Variants in RANBP2 observed in about 807,000 individuals in gnomAD.
RANBP2 encodes RAN binding protein 2.
In RANBP2, 57 loss-of-function variants were observed where a neutral mutation model predicts 303.6. That is an observed-to-expected ratio of 0.19 (90% CI 0.15 to 0.23). The LOEUF is 0.23. Ranked by LOEUF, RANBP2 falls within the 10% of genes least tolerant of loss-of-function variation. The pLI, the probability that RANBP2 is intolerant of heterozygous loss-of-function variation, is 1.00. For synonymous variants in RANBP2, 1,167 were observed against 1,301.5 expected (o/e 0.90, Z 2.23); for missense variants, 3,138 against 3,780.8 (o/e 0.83, Z 4.46).
chr2:109,009,702 C>CTTTTTT, the RANBP2 span, among the ~76,000 whole-genome samples: 7 of 123,124 alleles, frequency 5.7e-5, 1 homozygote, highest in East Asian at 2.5e-4. Context: ...ACATTTTTAC[C>CTTTTTT]TTTTTTTTGT....
chr2:109,446,374 T>C, the RANBP2 span, among the ~76,000 whole-genome samples: 1 of 152,130 alleles, frequency 6.6e-6, no homozygotes, highest in Non-Finnish European at 1.5e-5. Context: ...AGCAGCCATG[T>C]CCCCACCTCA....
chr2:109,285,968 G>A, the RANBP2 span, among the ~76,000 whole-genome samples: 1 of 152,160 alleles, frequency 6.6e-6, no homozygotes, highest in African/African-American at 2.4e-5. Flanking sequence ...AGGGTCCATG[G>A]CCTGCAGGAC....
the RANBP2 span, among the ~76,000 whole-genome samples, chr2:109,520,639 A>G: frequency 1.1e-5 from 1 of 92,600 alleles, no homozygotes; most frequent in Non-Finnish European, 2.7e-5. Context: ...AAAAAGAATT[A>G]TGATGTTGAG....
At chr2:109,688,829 C>T in the RANBP2 span, among the ~76,000 whole-genome samples, 23 of 149,570 alleles carry the variant, frequency 1.5e-4, no homozygotes, top group African/African-American at 5.4e-4. Flanking sequence ...AAATTGTTTC[C>T]TCTTCCTCAA....
At chr2:109,296,868 T>C in the RANBP2 span, among the ~76,000 whole-genome samples, 60 of 152,312 alleles carry the variant, frequency 3.9e-4, 1 homozygote, top group South Asian at 0.012. Context: ...ACAGCACTGC[T>C]ATAGCATTGC....
chr2:108,982,195 A>G, the RANBP2 span, among the ~76,000 whole-genome samples: 2 of 152,244 alleles, frequency 1.3e-5, no homozygotes, highest in Non-Finnish European at 2.9e-5. Flanking sequence ...CCGTTGTCTT[A>G]CAGCAAATGC....
intron 6 of RANBP2, among the ~76,000 whole-genome samples, chr2:108,736,621 T>G (rs1259896640): frequency 6.6e-6 from 1 of 152,254 alleles, no homozygotes; most frequent in Non-Finnish European, 1.5e-5. Context: ...ATCAGATGGC[T>G]AGGTTCACAT....
the RANBP2 span, among the ~76,000 whole-genome samples, chr2:109,508,628 C>CAA: frequency 5.6e-5 from 8 of 142,312 alleles, no homozygotes; most frequent in African/African-American, 2.1e-4. Flanking sequence ...TGTAATGTTC[C>CAA]AAAAAAAAAA....
At chr2:109,223,277 G>A in the RANBP2 span, among the ~76,000 whole-genome samples, 1 of 152,226 alleles carries the variant, frequency 6.6e-6, no homozygotes, top group Non-Finnish European at 1.5e-5. Context: ...AGAGCCCTCA[G>A]AGGCTGCGTG....
At chr2:108,799,990 T>A in the RANBP2 span, among the ~76,000 whole-genome samples, 4 of 152,222 alleles carry the variant, frequency 2.6e-5, no homozygotes, top group Non-Finnish European at 4.4e-5. Context: ...TAAGCATTTC[T>A]GTCTTTATAT....
the RANBP2 span, among the ~76,000 whole-genome samples, chr2:109,188,723 G>A: frequency 1.8e-4 from 27 of 152,268 alleles, no homozygotes; most frequent in East Asian, 5.8e-4. Context: ...GGTGCTTGCC[G>A]TCAGTGTGTG....
downstream of RANBP2, among the ~76,000 whole-genome samples, chr2:108,789,973 ATAAT>A (rs1038001797): frequency 2.2e-4 from 34 of 152,248 alleles, no homozygotes; most frequent in African/African-American, 8.0e-4. Context: ...AAATGTTGAA[ATAAT>A]TGTGGAGAGA....
the RANBP2 span, among the ~76,000 whole-genome samples, chr2:108,936,191 T>C: frequency 6.6e-6 from 1 of 152,344 alleles, no homozygotes; most frequent in African/African-American, 2.4e-5. Flanking sequence ...CTCATATCTG[T>C]GGGAAGCAGC....
chr2:109,723,467 C>T, the RANBP2 span, among the ~76,000 whole-genome samples: 9 of 152,282 alleles, frequency 5.9e-5, no homozygotes. Flanking sequence ...GCCATTCTGA[C>T]TGGAATAAGA....
At chr2:109,064,480 A>AG in the RANBP2 span, among the ~76,000 whole-genome samples, 2 of 139,646 alleles carry the variant, frequency 1.4e-5, no homozygotes, top group Non-Finnish European at 3.0e-5. Flanking sequence ...AACAAAAACA[A>AG]ACTGGTAAAT....
the RANBP2 span, among the ~76,000 whole-genome samples, chr2:109,106,164 C>T: frequency 2.0e-5 from 3 of 151,926 alleles, no homozygotes; most frequent in South Asian, 4.1e-4. Flanking sequence ...CTCGGCCCTG[C>T]TCTAAAACTT....
the RANBP2 span, chr2:108,798,524 G>T: frequency 3.1e-6 from 5 of 1,613,824 alleles, no homozygotes; most frequent in African/African-American, 6.7e-5. Context: ...ACATGAAAAT[G>T]CCTTGAGTAA....
chr2:109,672,404 T>C, the RANBP2 span, among the ~76,000 whole-genome samples: 1 of 152,210 alleles, frequency 6.6e-6, no homozygotes, highest in Non-Finnish European at 1.5e-5. Flanking sequence ...TTCAAGAGTA[T>C]TGCCATCTGC....
chr2:109,723,582 T>C, the RANBP2 span, among the ~76,000 whole-genome samples: 1 of 151,974 alleles, frequency 6.6e-6, no homozygotes, highest in South Asian at 2.1e-4. Flanking sequence ...TTGAGAAGTA[T>C]CTGTTTATAT....
Sources: allele counts gnomAD v4.1 joint callset (sites outside exome capture counted in the v4.1 genomes callset), GRCh38; gene constraint gnomAD v4.1.1; transcripts MANE v1.5; gene names NCBI Gene and HGNC (gene_info 2026-07-23, HGNC 2026-07-21).